TRAPPC3L: variants seen among roughly 807,000 people sequenced by gnomAD.
TRAPPC3L encodes trafficking protein particle complex subunit 3L, also known as trafficking protein particle complex subunit 3-like protein.
Under a neutral mutation model 23.7 loss-of-function variants are expected in TRAPPC3L, and 23 were observed. That is an observed-to-expected ratio of 0.97 (90% CI 0.70 to 1.37). TRAPPC3L has a LOEUF of 1.37. Among genes scored for constraint, TRAPPC3L ranks in the 40% most tolerant of loss-of-function variants. The pLI, the probability that TRAPPC3L is intolerant of heterozygous loss-of-function variation, is 0.00. For synonymous variants in TRAPPC3L, 81 were observed against 77.9 expected (o/e 1.04, Z -0.21); for missense variants, 212 against 216.8 (o/e 0.98, Z 0.14).
chr6:116,526,020 G>A (rs1217668485), intron 3 of TRAPPC3L, among the ~76,000 whole-genome samples: 1 of 152,082 alleles, frequency 6.6e-6, no homozygotes, highest in East Asian at 1.9e-4. Context: ...TTAAACAGTT[G>A]GCTAACTATG....
intron 3 of TRAPPC3L, among the ~76,000 whole-genome samples, chr6:116,537,268 T>C (rs1158782032): frequency 6.6e-6 from 1 of 152,182 alleles, no homozygotes; most frequent in Non-Finnish European, 1.5e-5. Context: ...TTCATCAGAA[T>C]GGTTGATAAG....
chr6:116,532,798 C>T (rs571917912), intron 3 of TRAPPC3L, among the ~76,000 whole-genome samples: 2 of 152,208 alleles, frequency 1.3e-5, no homozygotes, highest in Non-Finnish European at 2.9e-5. Flanking sequence ...AAAATGCAGA[C>T]TTACATTGCT....
At chr6:116,505,349 C>T (rs1449696479) in intron 3 of TRAPPC3L, among the ~76,000 whole-genome samples, 1 of 152,200 alleles carries the variant, frequency 6.6e-6, no homozygotes, top group Non-Finnish European at 1.5e-5. Context: ...TTACAAACCA[C>T]TTCTCAAGTA....
In TRAPPC3L at chr6:116,511,039, T is replaced by TA. The variant is rs368205835; in HGVS notation, c.241-10374dup. 4.1e-3 allele frequency among the ~76,000 whole-genome samples: 611 copies of TA among 149,990 alleles called. 5 individuals carry two copies. Among genetic ancestry groups the TA allele is most frequent in the African/African-American group, 0.014 (569 of 41,056 alleles). ...GGGAGAGTGGGAAGGGGGTGAGGGA[T>TA]AAAAAAATACATATTGGGTACACAT... On this transcript the variant is annotated intron_variant, in intron 3 of 4. Transcript: ENST00000368602.
In TRAPPC3L at chr6:116,511,966, A is replaced by T; in HGVS notation, c.241-11300T>A. On this transcript the variant is annotated intron_variant, in intron 3 of 4. Coordinates refer to ENST00000368602, the MANE Select transcript of TRAPPC3L (RefSeq NM_001139444.3). ...TGAATCCCAGGAAAATCTTTCCCAGAGGCCACAGCTGCCGTTTCTTCTACG... is the reference window on the plus strand; with the variant it reads ...TGAATCCCAGGAAAATCTTTCCCAGTGGCCACAGCTGCCGTTTCTTCTACG... 17 of 1,613,992 alleles carry T rather than the reference A, an allele frequency of 1.1e-5. No individual in the cohort carries two copies. Among genetic ancestry groups the T allele is most frequent in the Non-Finnish European group, 8.5e-6 (10 of 1,179,996 alleles).
chr6:116,505,789 A>G (rs1312525260), intron 3 of TRAPPC3L, among the ~76,000 whole-genome samples: 1 of 152,194 alleles, frequency 6.6e-6, no homozygotes, highest in African/African-American at 2.4e-5. Flanking sequence ...TGTTTAATAA[A>G]TGTGTTGGGA....
intron 3 of TRAPPC3L, among the ~76,000 whole-genome samples, chr6:116,534,776 T>C (rs923224814): frequency 8.2e-6 from 1 of 121,814 alleles, no homozygotes; most frequent in Non-Finnish European, 1.8e-5. Context: ...AAAATTTCAA[T>C]TTATACTATA....
At position 116,530,463 on chromosome 6, in the gene TRAPPC3L, C is replaced by T. The variant is rs1352462899; in HGVS notation, c.240+9900G>A. Among the ~76,000 whole-genome samples the T allele has an allele frequency of 2.0e-5, 3 of 152,154 alleles. No homozygotes were observed. In the South Asian group the frequency reaches 6.2e-4, roughly 31 times the overall value. On this transcript the variant is annotated intron_variant, in intron 3 of 4. Transcript: ENST00000368602. ...CACAGGATTAGATGACCAGAGCAAA[C>T]TTTTGTAATTGGTTCCTTTATAAGA...
intron 3 of TRAPPC3L, among the ~76,000 whole-genome samples, chr6:116,537,402 C>T (rs868378074): frequency 6.6e-6 from 1 of 152,104 alleles, no homozygotes; most frequent in Non-Finnish European, 1.5e-5. Flanking sequence ...GGTCAAATTT[C>T]GTTAGAATCT....
chr6:116,502,283 A>T (rs1562336119), intron 3 of TRAPPC3L, among the ~76,000 whole-genome samples: 1 of 152,356 alleles, frequency 6.6e-6, no homozygotes, highest in African/African-American at 2.4e-5. Context: ...CAGTGACTGA[A>T]GATCAAATTG....
chr6:116,522,140 C>T (rs9400930), intron 3 of TRAPPC3L: 26,079 of 152,162 alleles, frequency 0.17, 2,353 homozygotes, highest in East Asian at 0.35. Context: ...CCAGTGTACA[C>T]GACATGGAGA....
chr6:116,515,757 A>C (rs1355162509), intron 3 of TRAPPC3L: 1 of 1,614,030 alleles, frequency 6.2e-7, no homozygotes. Flanking sequence ...TTTCTGGACT[A>C]TGCCAACAAG....
At chr6:116,539,616 A>G (rs1475924752) in intron 3 of TRAPPC3L, among the ~76,000 whole-genome samples, 1 of 152,204 alleles carries the variant, frequency 6.6e-6, no homozygotes, top group African/African-American at 2.4e-5. Context: ...CTCAGAAAGC[A>G]TGATGGTATA....
chr6:116,505,124 G>A (rs964600949), intron 3 of TRAPPC3L, among the ~76,000 whole-genome samples: 3 of 152,118 alleles, frequency 2.0e-5, no homozygotes, highest in East Asian at 1.9e-4. Context: ...AAACCCCATT[G>A]TCTCAGCCCA....
intron 3 of TRAPPC3L, among the ~76,000 whole-genome samples, chr6:116,505,039 A>G (rs555591207): frequency 4.6e-5 from 7 of 152,326 alleles, no homozygotes; most frequent in African/African-American, 1.7e-4. Flanking sequence ...AAGAGAAAGA[A>G]ATAAAGAGTA....
At chr6:116,533,958 T>G (rs995954574) in intron 3 of TRAPPC3L, among the ~76,000 whole-genome samples, 2 of 152,150 alleles carry the variant, frequency 1.3e-5, no homozygotes, top group African/African-American at 4.8e-5. Context: ...GCAGTCTGAG[T>G]CTAGCAACAC....
At position 116,501,205 on chromosome 6, in the gene TRAPPC3L, G is replaced by A. The variant is rs1245948295; in HGVS notation, c.241-539C>T. Among the ~76,000 whole-genome samples, 4 of 152,342 alleles carry A rather than the reference G, an allele frequency of 2.6e-5. No individual in the cohort carries two copies. In the South Asian group the frequency reaches 6.2e-4, roughly 24 times the overall value. On this transcript the variant is annotated intron_variant, in intron 3 of 4. Coordinates refer to ENST00000368602, the MANE Select transcript of TRAPPC3L (RefSeq NM_001139444.3). The stretch of plus-strand genomic sequence containing the variant: ...AGATTCCCTCCCGAGCCTGTGACTG[G>A]CTCAGCAGGTCCCACGCCCATGGAG...
At chr6:116,543,165 G>T in intron 2 of TRAPPC3L, 138 bp downstream of exon 2, 1 of 580,344 alleles carries the variant, frequency 1.7e-6, no homozygotes, top group Non-Finnish European at 2.8e-6. Flanking sequence ...AAGAAATTAT[G>T]TTCAGCTTTC....
chr6:116,527,439 G>T (rs891419249), intron 3 of TRAPPC3L, among the ~76,000 whole-genome samples: 2 of 151,462 alleles, frequency 1.3e-5, no homozygotes, highest in Non-Finnish European at 2.9e-5. Flanking sequence ...GGCGTGAACC[G>T]GGGAGGCGGA....
Sources: allele counts gnomAD v4.1 joint callset (sites outside exome capture counted in the v4.1 genomes callset), GRCh38; gene constraint gnomAD v4.1.1; transcripts MANE v1.5; gene names NCBI Gene and HGNC (gene_info 2026-07-23, HGNC 2026-07-21).